The following SAP130 variants were observed in gnomAD, a reference collection of about 807,000 sequenced individuals.
The protein encoded by SAP130 is histone deacetylase complex subunit SAP130.
Under a neutral mutation model 103.2 loss-of-function variants are expected in SAP130, and 16 were observed. That is an observed-to-expected ratio of 0.16 (90% CI 0.10 to 0.24). The LOEUF (loss-of-function observed/expected upper bound fraction) is 0.24, where lower values mean the gene tolerates loss of function less well. Among genes scored for constraint, SAP130 ranks in the 10% least tolerant of loss-of-function variants. The pLI, the probability that SAP130 is intolerant of heterozygous loss-of-function variation, is 1.00. For missense variants in SAP130, 990 were observed against 1,359.7 expected (o/e 0.73, Z 4.28); for synonymous variants, 477 against 497.0 (o/e 0.96, Z 0.53).
Position 127,996,396 on chromosome 2 carries a change from G to A in SAP130, c.1309C>T (p.Arg437Trp), listed in dbSNP as rs1683177710. 5 of 1,610,968 alleles carry A rather than the reference G, an allele frequency of 3.1e-6. No homozygotes were observed. The highest frequency in any genetic ancestry group is 1.3e-5 in the African/African-American group (1 of 74,750). ...RSSLIPISGH[R>W]ASPNPVAMET... ...ATGGCCACAGGATTGGGAGAGGCCC[G>A]ATGTCCGGAGATGGGAATCAGGCTA... Residue 437 changes from arginine (R) to tryptophan (W), a missense_variant, in exon 11 of 21, where the codon CGG becomes TGG. This residue lies in a region of SAP130 where 336 missense variants were observed against 520.1 expected (regional missense o/e 0.65). Coordinates refer to ENST00000643581, the MANE Select transcript of SAP130 (RefSeq NM_001330301.2). The surrounding 1 kb of genome is among the most constrained non-coding windows in gnomAD (Gnocchi z 4.3).
At position 127,941,819 on chromosome 2, in the gene SAP130, C is replaced by A; in HGVS notation, c.*187G>T. The A allele has an allele frequency of 1.7e-6, 1 of 587,922 alleles. No individual in the cohort carries two copies. The highest frequency in any genetic ancestry group is 2.9e-6 in the Non-Finnish European group (1 of 340,340). 36.4% of individuals were successfully genotyped at this position (587,922 alleles called of 1,614,324 possible). A position where few individuals can be genotyped will look rare whatever the true frequency, so the allele number is the denominator to read the frequency against. The stretch of plus-strand genomic sequence containing the variant: ...GGTGCACCCGAACGCAAGAAGGCAG[C>A]TCACTATGTCCAGTCAGCTCTGATC... On this transcript the variant is annotated 3_prime_UTR_variant, in exon 21 of 21. Transcript: ENST00000643581.
In SAP130 at chr2:127,955,290, G is replaced by A. The variant is rs1679761532; in HGVS notation, c.2118C>T (p.Ser706=). 3 of 1,608,488 alleles carry A rather than the reference G, an allele frequency of 1.9e-6. No homozygotes were observed. Among genetic ancestry groups the A allele is most frequent in the South Asian group, 1.1e-5 (1 of 90,740 alleles). Residue 706 remains serine, a synonymous_variant, in exon 16 of 21, where the codon TCC becomes TCT. Transcript: ENST00000643581. The surrounding 1 kb of genome is among the most constrained non-coding windows in gnomAD (Gnocchi z 4.9). ...HVSMATPVTV[S]METVSNQNND... ...TATTTTGATTGGATACAGTCTCCAT[G>A]GACACAGTGACCGGAGTGGCCATAG...
intron 15 of SAP130, among the ~76,000 whole-genome samples, chr2:127,964,520 T>C (rs1053742718): frequency 3.4e-5 from 3 of 88,708 alleles, no homozygotes; most frequent in African/African-American, 1.2e-4. Context: ...AAAAAAAAAG[T>C]AAATTAAAAA....
chr2:127,964,998 C>CAAAAA (rs33926216), intron 15 of SAP130, among the ~76,000 whole-genome samples: 1 of 136,454 alleles, frequency 7.3e-6, no homozygotes, highest in Admixed American at 7.3e-5. Context: ...GACTCTGTCT[C>CAAAAA]AAAAAAAAAA....
At chr2:128,027,628 C>T (rs564939061) in intron 1 of SAP130, among the ~76,000 whole-genome samples, 212 of 144,362 alleles carry the variant, frequency 1.5e-3, no homozygotes, top group Admixed American at 7.2e-3. Flanking sequence ...GCCGGCCGCC[C>T]GCCCGCCCGC....
chr2:127,988,692 A>C (rs1008719166), intron 13 of SAP130, among the ~76,000 whole-genome samples: 1 of 152,082 alleles, frequency 6.6e-6, no homozygotes, highest in African/African-American at 2.4e-5. Context: ...TCTATTAAAA[A>C]TACAAAAATT....
At chr2:128,000,494 C>A (rs1241808849) in intron 7 of SAP130, 40 bp from the exon 8 acceptor site, 1 of 1,609,836 alleles carries the variant, frequency 6.2e-7, no homozygotes, top group Admixed American at 1.7e-5. Flanking sequence ...TGGGCAAGGT[C>A]ATTTACAATC....
Position 127,982,705 on chromosome 2 carries a change from G to A in SAP130, c.1958+4080C>T, listed in dbSNP as rs140556714. The stretch of plus-strand genomic sequence containing the variant: ...TGCAATTTGCTGTACATGTGCCAGC[G>A]TAAATGAAGCAGAAAGTTGGATTTA... On this transcript the variant is annotated intron_variant, in intron 14 of 20. Transcript: ENST00000643581. 1.8e-4 allele frequency among the ~76,000 whole-genome samples: 27 copies of A among 152,322 alleles called. No homozygotes were observed. In the Middle Eastern group the frequency reaches 0.01, roughly 58 times the overall value.
rs1414423280 is a variant in SAP130 at position 128,027,951 on chromosome 2, G to T, written c.-18C>A. On this transcript the variant is annotated 5_prime_UTR_variant, in exon 1 of 21. Transcript: ENST00000643581. Reference sequence around the variant, plus strand: ...CGTCCCGCCATTACCTGGGTGCTGCGCCCAGTGGCCGCCGCGCCGCCTTGA... The same window carrying T: ...CGTCCCGCCATTACCTGGGTGCTGCTCCCAGTGGCCGCCGCGCCGCCTTGA... 2 of 984,920 alleles carry T rather than the reference G, an allele frequency of 2.0e-6. No homozygotes were observed. The highest frequency in any genetic ancestry group is 2.4e-6 in the Non-Finnish European group (2 of 830,022). The allele number at this position is 984,920 out of a possible 1,614,324, so 61.0% of individuals were successfully genotyped here. A position where few individuals can be genotyped will look rare whatever the true frequency, so the allele number is the denominator to read the frequency against.
In SAP130 at chr2:127,959,120, TGAAAAGTGAGGA is replaced by T. The variant is rs556634422; in HGVS notation, c.2064-3788_2064-3777del. On this transcript the variant is annotated intron_variant, in intron 15 of 20. Transcript: ENST00000643581. ...ATATAAACCAAGCACAACGAGCTGC[TGAAAAGTGAGGA>T]GAAAAAGGCACATTGTCTAGGACCT... is the stretch of plus-strand genomic sequence containing the variant. Among the ~76,000 whole-genome samples the T allele has an allele frequency of 7.1e-3, 1,077 of 152,210 alleles. 9 individuals carry two copies. Among genetic ancestry groups the T allele is most frequent in the Non-Finnish European group, 0.012 (794 of 68,010 alleles).
intron 11 of SAP130, among the ~76,000 whole-genome samples, chr2:127,995,484 C>T (rs116255752): frequency 9.9e-4 from 151 of 151,998 alleles, no homozygotes; most frequent in Middle Eastern, 3.4e-3. Flanking sequence ...AAGGCCGAGC[C>T]GATTAAAAAA....
chr2:127,983,447 A>AAAAT (rs1682103120), intron 14 of SAP130, among the ~76,000 whole-genome samples: 1 of 152,218 alleles, frequency 6.6e-6, no homozygotes, highest in South Asian at 2.1e-4. Context: ...AATGGCAGTG[A>AAAAT]GGCATGACAA....
intron 16 of SAP130, 151 bp from the exon 17 acceptor site, chr2:127,950,559 C>CT: frequency 1.0e-5 from 9 of 879,436 alleles, no homozygotes; most frequent in Non-Finnish European, 1.5e-5. Flanking sequence ...GCTAAGCACT[C>CT]TGTGGCAGAA....
intron 2 of SAP130, 133 bp from the exon 3 acceptor site, chr2:128,018,048 C>A: frequency 1.4e-6 from 1 of 690,184 alleles, no homozygotes; most frequent in Non-Finnish European, 2.4e-6. Flanking sequence ...GTTTTCTTAA[C>A]AAGGTCAATA....
intron 14 of SAP130, among the ~76,000 whole-genome samples, chr2:127,979,774 C>T (rs1049720530): frequency 2.6e-5 from 4 of 151,548 alleles, no homozygotes; most frequent in Admixed American, 6.6e-5. Flanking sequence ...TAATATGATA[C>T]GAGCAGGTAG....
At chr2:127,947,322 TA>T (rs1215071283) in intron 18 of SAP130, among the ~76,000 whole-genome samples, 46 of 152,314 alleles carry the variant, frequency 3.0e-4, no homozygotes, top group African/African-American at 1.1e-3. Flanking sequence ...AGGAAATTAA[TA>T]AGGCCAGTTA....
rs544577193 is a variant in SAP130 at position 128,006,960 on chromosome 2, G to C, written c.869+3309C>G. Among the ~76,000 whole-genome samples, 3 of 152,250 alleles carry C rather than the reference G, an allele frequency of 2.0e-5. No homozygotes were observed. In the East Asian group the frequency reaches 5.8e-4, roughly 29 times the overall value. On this transcript the variant is annotated intron_variant, in intron 7 of 20. Coordinates refer to ENST00000643581, the MANE Select transcript of SAP130 (RefSeq NM_001330301.2). ...TATAAAGAGAAAAATCATCTGATTA[G>C]GGTTTTTGTCTGTTTCATTCACTAC... is the stretch of plus-strand genomic sequence containing the variant.
intron 2 of SAP130, among the ~76,000 whole-genome samples, chr2:128,020,705 A>G (rs948055063): frequency 6.6e-6 from 1 of 152,144 alleles, no homozygotes; most frequent in African/African-American, 2.4e-5. Flanking sequence ...TCATTTTTTA[A>G]AGGTGAAATG....
chr2:127,949,451 T>A (rs1339502940), intron 18 of SAP130, among the ~76,000 whole-genome samples: 2 of 152,196 alleles, frequency 1.3e-5, no homozygotes, highest in African/African-American at 2.4e-5. Flanking sequence ...ACAAAAGATC[T>A]TTTGGCAGAA....
Sources: gnomAD v4.1 joint callset for allele counts (sites outside exome capture counted in the v4.1 genomes callset) on GRCh38, gnomAD v4.1.1 for gene constraint, gnomAD v4.1.1 regional missense constraint, Gnocchi (gnomAD v3.1) non-coding constraint, MANE v1.5 for transcripts, NCBI Gene and HGNC (gene_info 2026-07-23, HGNC 2026-07-21) for gene names.